Variants in MED13L observed in about 807,000 individuals in gnomAD.
MED13L encodes the protein mediator of RNA polymerase II transcription subunit 13-like.
In MED13L, 7 loss-of-function variants were observed where a neutral mutation model predicts 220.9. The ratio of observed to expected loss-of-function variants is 0.03; its 90% CI spans 0.02 to 0.06. The LOEUF is 0.06. Ranked by LOEUF, MED13L falls within the 10% of genes least tolerant of loss-of-function variation. MED13L has a pLI of 1.00. For synonymous variants in MED13L, 1,011 were observed against 1,015.2 expected (o/e 1.00, Z 0.08); for missense variants, 1,965 against 2,760.5 (o/e 0.71, Z 6.46).
chr12:116,074,498 A>C (rs1335656668), intron 4 of MED13L, among the ~76,000 whole-genome samples: 1 of 152,214 alleles, frequency 6.6e-6, no homozygotes, highest in Non-Finnish European at 1.5e-5. Flanking sequence ...AATAGACAAA[A>C]TGAATAAAGG....
At chr12:116,068,394 A>G (rs899895747) in intron 4 of MED13L, among the ~76,000 whole-genome samples, 1 of 152,234 alleles carries the variant, frequency 6.6e-6, no homozygotes, top group Non-Finnish European at 1.5e-5. Flanking sequence ...CTGTAGAGCT[A>G]TATTTTGCTA....
chr12:116,236,317 A>C (rs908232837), intron 2 of MED13L, among the ~76,000 whole-genome samples: 5 of 151,936 alleles, frequency 3.3e-5, no homozygotes, highest in African/African-American at 1.2e-4. Flanking sequence ...TAAAGTAAAC[A>C]GTTCAATTAG....
Position 116,277,209 on chromosome 12 carries a change from C to A in MED13L, c.-78G>T, listed in dbSNP as rs2138617408. 2.0e-6 allele frequency: 2 copies of A among 980,206 alleles called. No homozygotes were observed. The allele number at this position is 980,206 out of a possible 1,614,324, so 60.7% of individuals were successfully genotyped here. A position where few individuals can be genotyped will look rare whatever the true frequency, so the allele number is the denominator to read the frequency against. On this transcript the variant is annotated 5_prime_UTR_variant, in exon 1 of 31. Coordinates refer to ENST00000281928, the MANE Select transcript of MED13L (RefSeq NM_015335.5). The stretch of plus-strand genomic sequence containing the variant: ...GAGGCGAGGCCGGGCCGGGCGGCGG[C>A]GCCTCGCCGGGGAGCGCGGGGCGGC...
At chr12:116,178,943 T>C (rs1593134354) in intron 2 of MED13L, among the ~76,000 whole-genome samples, 2 of 152,322 alleles carry the variant, frequency 1.3e-5, no homozygotes, top group African/African-American at 4.8e-5. Context: ...CAAAGTGTAT[T>C]AGAATGAATT....
intron 4 of MED13L, among the ~76,000 whole-genome samples, chr12:116,025,940 A>T (rs140646022): frequency 3.4e-4 from 52 of 152,358 alleles, no homozygotes; most frequent in African/African-American, 1.2e-3. Flanking sequence ...CGCTGTATAC[A>T]GGTATCCAAG....
chr12:115,994,758 T>C lies in MED13L; in HGVS notation c.2996+1718A>G, dbSNP rs920123159. 3.9e-5 allele frequency among the ~76,000 whole-genome samples: 6 copies of C among 152,226 alleles called. No homozygotes were observed. In the South Asian group the frequency reaches 1.2e-3, roughly 32 times the overall value. ...TATGCGCCAAGGTGTTCTAGGTGTG[T>C]TGTGCCAGGATCTAGCTGAGTAAGC... On this transcript the variant is annotated intron_variant, in intron 16 of 30. Transcript: ENST00000281928.
chr12:116,102,703 CTTTTTTCTTTTTTTT>C (rs1873180647), intron 3 of MED13L, among the ~76,000 whole-genome samples: 1 of 63,204 alleles, frequency 1.6e-5, no homozygotes, highest in African/African-American at 5.4e-5. Flanking sequence ...TTTTCTTTTT[CTTTTTTCTTTTTTTT>C]TTTTTTTTTT....
chr12:116,066,165 T>C (rs909273418), intron 4 of MED13L, among the ~76,000 whole-genome samples: 2 of 152,102 alleles, frequency 1.3e-5, no homozygotes, highest in African/African-American at 4.8e-5. Flanking sequence ...TTCTAAATAA[T>C]AAGACTGAGG....
intron 2 of MED13L, among the ~76,000 whole-genome samples, chr12:116,173,964 T>C (rs1368440047): frequency 6.6e-6 from 1 of 152,092 alleles, no homozygotes; most frequent in Non-Finnish European, 1.5e-5. Flanking sequence ...CCCAGTGTGA[T>C]AGCACTGTAG....
chr12:116,015,207 C>A lies in MED13L; in HGVS notation c.1077G>T (p.Met359Ile), dbSNP rs763974244. 1 of 1,613,844 alleles carries A rather than the reference C, an allele frequency of 6.2e-7. No homozygotes were observed. Among genetic ancestry groups the A allele is most frequent in the East Asian group, 2.2e-5 (1 of 44,864 alleles). The change falls in exon 8 of 31, where the codon ATG becomes ATT. Residue 359 changes from methionine (M) to isoleucine (I), a missense_variant. Around this residue, in one of 10 missense-constraint regions of MED13L, gnomAD observed 818 missense variants for 1,041.2 expected, o/e 0.79. Transcript: ENST00000281928. ...TCTTCCCCGATCTCTTTGGACTGTG[C>A]ATCGTTATCATCCCTCCATCTTGGG... is the stretch of plus-strand genomic sequence containing the variant. Reference protein sequence around the residue: ...LVSQDGGMITMHSPKRSGKIP... With the variant: ...LVSQDGGMITIHSPKRSGKIP...
At chr12:116,263,035 G>T (rs992432902) in intron 1 of MED13L, among the ~76,000 whole-genome samples, 1 of 152,122 alleles carries the variant, frequency 6.6e-6, no homozygotes. Flanking sequence ...TTAAGAACTT[G>T]TATCTCAGGA....
intron 1 of MED13L, among the ~76,000 whole-genome samples, chr12:116,241,158 T>G (rs923958066): frequency 6.6e-6 from 1 of 151,036 alleles, no homozygotes; most frequent in African/African-American, 2.4e-5. Context: ...AATACAAAAA[T>G]TAGCGGGGCG....
chr12:116,065,497 G>C (rs1262330171), intron 4 of MED13L, among the ~76,000 whole-genome samples: 2 of 152,176 alleles, frequency 1.3e-5, no homozygotes, highest in East Asian at 3.9e-4. Flanking sequence ...TAAAATATGA[G>C]ATACCACATT....
intron 1 of MED13L, among the ~76,000 whole-genome samples, chr12:116,254,389 A>C (rs1269091278): frequency 6.6e-6 from 1 of 152,182 alleles, no homozygotes; most frequent in Non-Finnish European, 1.5e-5. Flanking sequence ...GGAAAGTTGC[A>C]GTATACAGAA....
chr12:116,200,170 T>G (rs1056486888), intron 2 of MED13L, among the ~76,000 whole-genome samples: 2 of 152,058 alleles, frequency 1.3e-5, no homozygotes, highest in Non-Finnish European at 2.9e-5. Context: ...TAAATTATCT[T>G]AGCAACATAA....
intron 2 of MED13L, among the ~76,000 whole-genome samples, chr12:116,226,850 C>T (rs1869054724): frequency 7.3e-6 from 1 of 136,766 alleles, no homozygotes; most frequent in African/African-American, 2.7e-5. Flanking sequence ...GCCTGGGCAA[C>T]AGAGTGAGAC....
rs556506738 is a variant in MED13L, at chr12:116,013,016, T to G, written c.1176-115A>C. ...ACATAGTAATGGTATCCTGCTGACA[T>G]GTAGTTCAGAGCAACCAATGAATAA... On this transcript the variant is annotated intron_variant, in intron 8 of 30. Transcript: ENST00000281928. The G allele has an allele frequency of 2.9e-5, 22 of 767,364 alleles. No individual in the cohort carries two copies. In the African/African-American group the frequency reaches 3.1e-4, roughly 11 times the overall value. 47.5% of individuals were successfully genotyped at this position (767,364 alleles called of 1,614,324 possible).
At chr12:116,245,265 GAA>G (rs1283918667) in intron 1 of MED13L, among the ~76,000 whole-genome samples, 2 of 152,106 alleles carry the variant, frequency 1.3e-5, no homozygotes, top group African/African-American at 4.8e-5. Flanking sequence ...AAGGAATTTG[GAA>G]AAGTCTTCTC....
At chr12:116,158,910 T>C (rs748166669) in intron 2 of MED13L, among the ~76,000 whole-genome samples, 5 of 152,190 alleles carry the variant, frequency 3.3e-5, no homozygotes, top group Non-Finnish European at 5.9e-5. Context: ...TTCAACTGTA[T>C]TTAGATATTT....
Sources: allele counts gnomAD v4.1 joint callset (sites outside exome capture counted in the v4.1 genomes callset), GRCh38; gene constraint gnomAD v4.1.1; regional missense constraint gnomAD v4.1.1; transcripts MANE v1.5; gene names NCBI Gene and HGNC (gene_info 2026-07-23, HGNC 2026-07-21).